PLCB4: variants seen among roughly 807,000 people sequenced by gnomAD.
PLCB4 encodes 1-phosphatidylinositol 4,5-bisphosphate phosphodiesterase beta-4.
In PLCB4, 77 loss-of-function variants were observed where a neutral mutation model predicts 178.8. That is an observed-to-expected ratio of 0.43 (90% CI 0.36 to 0.52). The LOEUF (loss-of-function observed/expected upper bound fraction) is 0.52, where lower values mean the gene tolerates loss of function less well. Among genes scored for constraint, PLCB4 ranks in the 20% least tolerant of loss-of-function variants. The pLI, the probability that PLCB4 is intolerant of heterozygous loss-of-function variation, is 0.00. For missense variants in PLCB4, 1,024 were observed against 1,453.4 expected (o/e 0.70, Z 4.80); for synonymous variants, 496 against 490.8 (o/e 1.01, Z -0.14).
intron 32 of PLCB4, among the ~76,000 whole-genome samples, chr20:9,451,090 C>T (rs1038162774): frequency 6.6e-5 from 10 of 152,206 alleles, no homozygotes; most frequent in Non-Finnish European, 1.2e-4. Context: ...TTTATTCATG[C>T]GATAAATACT....
intron 3 of PLCB4, among the ~76,000 whole-genome samples, chr20:9,291,960 C>A (rs573523676): frequency 9.2e-5 from 14 of 152,224 alleles, no homozygotes; most frequent in African/African-American, 2.4e-4. Context: ...TAGCAAAGAT[C>A]TATTTATAAA....
intron 3 of PLCB4, among the ~76,000 whole-genome samples, chr20:9,241,175 A>G (rs2147413450): frequency 6.6e-6 from 1 of 152,290 alleles, no homozygotes; most frequent in South Asian, 2.1e-4. Context: ...GCTTACTTGA[A>G]TGAAGGCTTC....
At chr20:9,310,572 TG>T (rs1355570808) in intron 4 of PLCB4, among the ~76,000 whole-genome samples, 2 of 151,778 alleles carry the variant, frequency 1.3e-5, no homozygotes, top group African/African-American at 4.8e-5. Flanking sequence ...AATAGCCAGG[TG>T]TGGTGGCACA....
At chr20:9,249,954 T>C (rs2094163115) in intron 3 of PLCB4, among the ~76,000 whole-genome samples, 1 of 152,128 alleles carries the variant, frequency 6.6e-6, no homozygotes, top group African/African-American at 2.4e-5. Flanking sequence ...GCATTAGTTA[T>C]AAGGGAGAGA....
At chr20:9,320,342 A>C (rs1017296709) in intron 4 of PLCB4, among the ~76,000 whole-genome samples, 2 of 152,216 alleles carry the variant, frequency 1.3e-5, no homozygotes, top group Non-Finnish European at 1.5e-5. Context: ...ATGCTAATGC[A>C]TTCATATGAA....
At chr20:9,240,227 G>A (rs1296140895) in intron 3 of PLCB4, among the ~76,000 whole-genome samples, 1 of 152,130 alleles carries the variant, frequency 6.6e-6, no homozygotes, top group Non-Finnish European at 1.5e-5. Context: ...CAGAGGAGTA[G>A]CCCTCTGGAA....
intron 32 of PLCB4, among the ~76,000 whole-genome samples, chr20:9,445,606 A>G (rs1349415678): frequency 1.3e-5 from 2 of 152,196 alleles, no homozygotes; most frequent in Non-Finnish European, 2.9e-5. Flanking sequence ...TCCCTGTATT[A>G]CAGAACTGTT....
chr20:9,330,451 A>G (rs1358966914), intron 4 of PLCB4, among the ~76,000 whole-genome samples: 2 of 152,014 alleles, frequency 1.3e-5, no homozygotes, highest in African/African-American at 4.8e-5. Context: ...TCGTTTATTG[A>G]CCGTCCAACA....
At chr20:9,251,402 T>C (rs2094178883) in intron 3 of PLCB4, among the ~76,000 whole-genome samples, 1 of 152,180 alleles carries the variant, frequency 6.6e-6, no homozygotes, top group Non-Finnish European at 1.5e-5. Flanking sequence ...AGTGTAACAT[T>C]TAAAAAGCAC....
At position 9,401,512 on chromosome 20, in the gene PLCB4, C is replaced by A; in HGVS notation, c.1533C>A (p.His511Gln). The A allele has an allele frequency of 1.9e-6, 3 of 1,613,542 alleles. No homozygotes were observed. Among genetic ancestry groups the A allele is most frequent in the Non-Finnish European group, 2.5e-6 (3 of 1,179,592 alleles). The part of the protein sequence containing the change: ...IESADQEEEA[H>Q]PEFKFGNELS... ...CAGCTGACCAAGAGGAGGAAGCTCA[C>A]CCCGAATTCAAATTTGGAAATGAAC... The change falls in exon 20 of 40, where the codon CAC (histidine) becomes CAA (glutamine). Residue 511 changes from histidine (H) to glutamine (Q), a missense_variant. Physicochemically the swap from His to Gln is conservative, Grantham distance 24. Coordinates refer to ENST00000378473, the MANE Select transcript of PLCB4 (RefSeq NM_001377142.1).
intron 3 of PLCB4, among the ~76,000 whole-genome samples, chr20:9,294,207 G>C (rs1410171922): frequency 6.6e-6 from 1 of 152,094 alleles, no homozygotes; most frequent in East Asian, 1.9e-4. Context: ...GAGCATAAAG[G>C]TTTGGGCCAA....
intron 1 of PLCB4, among the ~76,000 whole-genome samples, chr20:9,074,884 G>A (rs1432978042): frequency 6.7e-6 from 1 of 149,012 alleles, no homozygotes; most frequent in Admixed American, 6.8e-5. Context: ...AGGGAGAAAG[G>A]CCTCCACTAG....
chr20:9,328,643 T>C (rs974842716), intron 4 of PLCB4, among the ~76,000 whole-genome samples: 2 of 152,214 alleles, frequency 1.3e-5, no homozygotes, highest in Admixed American at 6.5e-5. Flanking sequence ...CTGAACACTG[T>C]CAGTCTTTCA....
At chr20:9,069,580 C>T (rs2089461388) in intron 1 of PLCB4, among the ~76,000 whole-genome samples, 1 of 151,892 alleles carries the variant, frequency 6.6e-6, no homozygotes, top group Non-Finnish European at 1.5e-5. Context: ...CTGGGGAAAT[C>T]ATAGAAATGA....
Position 9,468,626 on chromosome 20 carries a change from G to T in PLCB4, c.3304G>T (p.Ala1102Ser). The T allele has an allele frequency of 6.2e-7, 1 of 1,611,940 alleles. No homozygotes were observed. The highest frequency in any genetic ancestry group is 1.7e-4 in the Middle Eastern group (1 of 6,054). Residue 1102 changes from alanine to serine, a missense_variant, in exon 36 of 40, where the codon GCC becomes TCC. Physicochemically the swap from Ala to Ser is moderately conservative, Grantham distance 99 (BLOSUM62 1). This residue lies in a region of PLCB4 where 264 missense variants were observed against 283.2 expected (regional missense o/e 0.93). Coordinates refer to ENST00000378473, the MANE Select transcript of PLCB4 (RefSeq NM_001377142.1). The stretch of plus-strand genomic sequence containing the variant: ...TAAGATTTCTATGGAAAATAGCAAA[G>T]CCATCAGCCAAGATAAATCTATCAA... ...QAKISMENSK[A>S]ISQDKSIKNK...
chr20:9,162,061 TG>T (rs2092897343), intron 2 of PLCB4, among the ~76,000 whole-genome samples: 1 of 151,856 alleles, frequency 6.6e-6, no homozygotes, highest in Admixed American at 6.6e-5. Flanking sequence ...TAGCATGTTC[TG>T]TTTTTTTTGT....
chr20:9,152,102 AG>A lies in PLCB4; in HGVS notation c.-79+55762del, dbSNP rs557638884. 6.1e-3 allele frequency among the ~76,000 whole-genome samples: 931 copies of A among 152,304 alleles called. 7 individuals are homozygous for A. Among genetic ancestry groups the A allele is most frequent in the African/African-American group, 0.022 (903 of 41,562 alleles). On this transcript the variant is annotated intron_variant, in intron 2 of 39. Coordinates refer to ENST00000378473, the MANE Select transcript of PLCB4 (RefSeq NM_001377142.1). ...ATTTCCAAGCAGCTCAGCATTCAAG[AG>A]GTGACTTGGATGCTGTTAAAGGCTT...
rs1600380842 is a variant in PLCB4 at position 9,097,694 on chromosome 20, C to T, written c.-79+1352C>T. On this transcript the variant is annotated intron_variant, in intron 2 of 39. Transcript: ENST00000378473. ...CCATTCACCTCCAGCTTTTAATTAC[C>T]CATCCAGCTAGCTCCCAGCCATCTC... Among the ~76,000 whole-genome samples, 8 of 152,204 alleles carry T rather than the reference C, an allele frequency of 5.3e-5. 1 individual carries two copies.
intron 2 of PLCB4, among the ~76,000 whole-genome samples, chr20:9,214,090 T>C (rs1295915842): frequency 2.0e-5 from 3 of 152,240 alleles, no homozygotes; most frequent in African/African-American, 7.2e-5. Flanking sequence ...ACGGTGTACT[T>C]TGAAGGACAA....
Sources: allele counts gnomAD v4.1 joint callset (sites outside exome capture counted in the v4.1 genomes callset), GRCh38; gene constraint gnomAD v4.1.1; regional missense constraint gnomAD v4.1.1; transcripts MANE v1.5; gene names NCBI Gene and HGNC (gene_info 2026-07-23, HGNC 2026-07-21).